The following STOX2 variants were observed in gnomAD, a reference collection of about 807,000 sequenced individuals.
STOX2 encodes the protein storkhead box 2, also known as storkhead-box protein 2.
STOX2 carries 28 observed loss-of-function variants against 60.9 expected under a neutral mutation model. The ratio of observed to expected loss-of-function variants is 0.46; its 90% CI spans 0.34 to 0.63. The LOEUF is 0.63. STOX2 is among the 30% of genes least tolerant of loss of function. STOX2 has a pLI of 0.01. For synonymous variants in STOX2, 472 were observed against 463.9 expected (o/e 1.02, Z -0.22); for missense variants, 1,024 against 1,187.7 (o/e 0.86, Z 2.03).
Position 183,837,195 on chromosome 4 carries a change from A to G in STOX2, c.364+39140A>G, listed in dbSNP as rs576655200. ...CCATTCCCTTTATTTTTAATTGTGG[A>G]AAAATATACATAACCCTTCATATAG... On this transcript the variant is annotated intron_variant, in intron 1 of 2. Coordinates refer to the STOX2 transcript ENST00000513034. Among the ~76,000 whole-genome samples the G allele has an allele frequency of 1.2e-3, 187 of 152,274 alleles. 1 individual carries two copies. Among genetic ancestry groups the G allele is most frequent in the African/African-American group, 4.2e-3 (173 of 41,560 alleles).
intron 1 of STOX2, among the ~76,000 whole-genome samples, chr4:183,891,289 TGA>T (rs1294930398): frequency 1.1e-4 from 1 of 9,004 alleles, no homozygotes; most frequent in Non-Finnish European, 5.0e-4. Flanking sequence ...TGTGTGTATA[TGA>T]TGGAATATAT....
intron 1 of STOX2, among the ~76,000 whole-genome samples, chr4:183,835,344 T>C (rs936261438): frequency 1.3e-5 from 2 of 151,616 alleles, no homozygotes; most frequent in East Asian, 1.9e-4. Flanking sequence ...CTGCCTCAGC[T>C]TCCCGAGTAG....
At position 183,883,474 on chromosome 4, in the gene STOX2, C is replaced by G. The variant is rs1741003799; in HGVS notation, c.364+85419C>G. On this transcript the variant is annotated intron_variant, in intron 1 of 2. Coordinates refer to the STOX2 transcript ENST00000513034. ...AGCTGGGACTACAGGCACCTGCCAC[C>G]ACGCCCAGCTAATTTTTTGTTTTTT... is the stretch of plus-strand genomic sequence containing the variant. 2.0e-5 allele frequency among the ~76,000 whole-genome samples: 3 copies of G among 152,184 alleles called. No individual in the cohort carries two copies. The South Asian group carries it at 6.2e-4, about 32-fold the overall frequency.
At chr4:184,013,625 T>C (rs1734246376) in intron 3 of STOX2, among the ~76,000 whole-genome samples, 1 of 152,244 alleles carries the variant, frequency 6.6e-6, no homozygotes, top group Non-Finnish European at 1.5e-5. Flanking sequence ...AACTATTTTC[T>C]ACACACCTTA....
intron 1 of STOX2, among the ~76,000 whole-genome samples, chr4:183,935,760 G>T (rs1045681203): frequency 2.6e-5 from 4 of 152,188 alleles, no homozygotes; most frequent in Admixed American, 6.5e-5. Context: ...CTGACATTGT[G>T]CCTGGGACTA....
At chr4:183,911,165 T>G (rs199809532) in intron 1 of STOX2, among the ~76,000 whole-genome samples, 1 of 450 alleles carries the variant, frequency 2.2e-3, no homozygotes, top group African/African-American at 2.3e-3. Context: ...AGACAAAACT[T>G]CTCTGCCCTC....
intron 2 of STOX2, among the ~76,000 whole-genome samples, chr4:184,002,417 G>A (rs1733631407): frequency 6.6e-6 from 1 of 152,180 alleles, no homozygotes; most frequent in Non-Finnish European, 1.5e-5. Context: ...GTATCAGTTA[G>A]CTTTTGCTAC....
chr4:183,890,018 T>C (rs2111181312), intron 1 of STOX2, among the ~76,000 whole-genome samples: 1 of 152,246 alleles, frequency 6.6e-6, no homozygotes, highest in African/African-American at 2.4e-5. Context: ...TTGAAAAAAA[T>C]TAATTTCCAG....
At chr4:183,867,586 G>A (rs946371815) in intron 1 of STOX2, among the ~76,000 whole-genome samples, 2 of 152,226 alleles carry the variant, frequency 1.3e-5, no homozygotes, top group African/African-American at 2.4e-5. Flanking sequence ...CTGCTTTACC[G>A]TGGGACATGA....
intron 1 of STOX2, among the ~76,000 whole-genome samples, chr4:183,997,324 G>A (rs140360452): frequency 4.9e-4 from 75 of 152,352 alleles, no homozygotes; most frequent in Non-Finnish European, 8.5e-4. Context: ...TTGAGGAAAT[G>A]CCTGACATGT....
intron 1 of STOX2, among the ~76,000 whole-genome samples, chr4:183,924,412 G>C (rs945570332): frequency 6.6e-6 from 1 of 152,042 alleles, no homozygotes; most frequent in South Asian, 2.1e-4. Context: ...CCCCGTGTCT[G>C]CCCTTGGAGG....
chr4:184,009,138 T>TTG lies in STOX2; in HGVS notation c.320-19_320-18insGT. The TTG allele has an allele frequency of 2.6e-6, 3 of 1,159,692 alleles. No individual in the cohort carries two copies. The highest frequency in any genetic ancestry group is 3.4e-6 in the Non-Finnish European group (3 of 883,876). The allele number at this position is 1,159,692 out of a possible 1,614,324, so 71.8% of individuals were successfully genotyped here. On this transcript the variant is annotated intron_variant, in intron 2 of 3. Coordinates refer to ENST00000308497, the MANE Select transcript of STOX2 (RefSeq NM_020225.3). This position sits in a 1 kb window ranked among gnomAD's most constrained non-coding sequence, Gnocchi z 4.0. ...TTCTGTCTTCATTCTCACAAGTGGT[T>TTG]TTTTTTTTTTTTTTTTCAGGTGTTC...
At chr4:183,849,603 A>G (rs537518333) in intron 1 of STOX2, among the ~76,000 whole-genome samples, 7 of 152,354 alleles carry the variant, frequency 4.6e-5, no homozygotes, top group African/African-American at 1.2e-4. Context: ...GTCTGAGCCT[A>G]TGAGTACATA....
chr4:184,001,245 G>A lies in STOX2; in HGVS notation c.167-80G>A. ...GACTGTGTTCGTCAGACCAGGGCCA[G>A]ATGGACGCGTGAAGGCGTGTGTCTG... On this transcript the variant is annotated intron_variant, in intron 1 of 3. Transcript: ENST00000308497. The surrounding 1 kb of genome is among the most constrained non-coding windows in gnomAD (Gnocchi z 4.2). 2 of 1,433,086 alleles carry A rather than the reference G, an allele frequency of 1.4e-6. No individual in the cohort carries two copies. The allele number at this position is 1,433,086 out of a possible 1,614,324, so 88.8% of individuals were successfully genotyped here.
chr4:183,956,468 A>ATCTATCTG (rs1472089846), intron 1 of STOX2, among the ~76,000 whole-genome samples: 4 of 151,222 alleles, frequency 2.6e-5, no homozygotes, highest in Non-Finnish European at 4.4e-5. Flanking sequence ...CTATCTATCT[A>ATCTATCTG]TCTATCTATC....
chr4:183,948,540 C>CTTTTTTTTTTTTTTTTTTTTTT (rs10687778), intron 1 of STOX2, among the ~76,000 whole-genome samples: 1 of 78,182 alleles, frequency 1.3e-5, no homozygotes, highest in Non-Finnish European at 2.3e-5. Context: ...ATGCCTTATC[C>CTTTTTTTTTTTTTTTTTTTTTT]TTTTTTTTTT....
intron 1 of STOX2, among the ~76,000 whole-genome samples, chr4:183,938,516 C>T (rs1234651027): frequency 1.3e-5 from 2 of 151,876 alleles, no homozygotes; most frequent in African/African-American, 2.4e-5. Flanking sequence ...TAAAAATACA[C>T]AAATTAGCTG....
Position 183,874,952 on chromosome 4 carries a change from AATATATATATATATATATAT to A in STOX2, c.364+76919_364+76938del, listed in dbSNP as rs759209967. Among the ~76,000 whole-genome samples, 158 of 44,602 alleles carry A rather than the reference AATATATATATATATATATAT, an allele frequency of 3.5e-3. 1 individual carries two copies. The highest frequency in any genetic ancestry group is 0.016 in the East Asian group (20 of 1,246). The allele number at this position is 44,602 out of a possible 152,430, so 29.3% of individuals were successfully genotyped here. A position where few individuals can be genotyped will look rare whatever the true frequency, so the allele number is the denominator to read the frequency against. On this transcript the variant is annotated intron_variant, in intron 1 of 2. Coordinates refer to the STOX2 transcript ENST00000513034. ...AAAAAAAAAAAAAAAAAAAAAAAAA[AATATATATATATATATATAT>A]ATATATATATATATATATATAAAAC...
At chr4:183,864,176 G>A (rs1328120829) in intron 1 of STOX2, among the ~76,000 whole-genome samples, 1 of 152,132 alleles carries the variant, frequency 6.6e-6, no homozygotes, top group African/African-American at 2.4e-5. Flanking sequence ...GTTTACTGCA[G>A]GACTTCTCAT....
Sources: gnomAD v4.1 joint callset for allele counts (sites outside exome capture counted in the v4.1 genomes callset) on GRCh38, gnomAD v4.1.1 for gene constraint, Gnocchi (gnomAD v3.1) non-coding constraint, MANE v1.5 for transcripts, NCBI Gene and HGNC (gene_info 2026-07-23, HGNC 2026-07-21) for gene names.